The following ZNF385D variants were observed in gnomAD, a reference collection of about 807,000 sequenced individuals.
The protein encoded by ZNF385D is zinc finger protein 385D, also known as zinc finger protein 659.
In ZNF385D, 15 loss-of-function variants were observed where a neutral mutation model predicts 35.8. That is an observed-to-expected ratio of 0.42 (90% CI 0.28 to 0.64). The LOEUF (loss-of-function observed/expected upper bound fraction) is 0.64, where lower values mean the gene tolerates loss of function less well. ZNF385D is among the 30% of genes least tolerant of loss of function. The pLI, the probability that ZNF385D is intolerant of heterozygous loss-of-function variation, is 0.23. For synonymous variants in ZNF385D, 212 were observed against 186.8 expected (o/e 1.13, Z -1.10); for missense variants, 474 against 494.6 (o/e 0.96, Z 0.39).
intron 3 of ZNF385D, among the ~76,000 whole-genome samples, chr3:21,794,690 G>C (rs2072073556): frequency 6.6e-6 from 1 of 152,128 alleles, no homozygotes; most frequent in Non-Finnish European, 1.5e-5. Context: ...GGGAGGAAGA[G>C]TCATCCAGGA....
At chr3:21,750,705 G>A (rs1231915906) in intron 1 of ZNF385D, among the ~76,000 whole-genome samples, 190 bp downstream of exon 1, 3 of 151,278 alleles carry the variant, frequency 2.0e-5, no homozygotes, top group Non-Finnish European at 4.4e-5. Context: ...CTCATCCACG[G>A]CTAAATTAAC....
In ZNF385D at chr3:21,615,793, A is replaced by AGTGTGTGTGTGTGTGTGTGTGT. The variant is rs144521609; in HGVS notation, c.165+49071_165+49092dup. Among the ~76,000 whole-genome samples, 597 of 145,340 alleles carry AGTGTGTGTGTGTGTGTGTGTGT rather than the reference A, an allele frequency of 4.1e-3. 5 individuals carry two copies. Among genetic ancestry groups the AGTGTGTGTGTGTGTGTGTGTGT allele is most frequent in the South Asian group, 5.5e-3 (24 of 4,392 alleles). The stretch of plus-strand genomic sequence containing the variant: ...ATGACTGCAAAGAAAATGGAGAAAG[A>AGTGTGTGTGTGTGTGTGTGTGT]GTGTGTGTGTGTGTGTGTGTGTGTT... On this transcript the variant is annotated intron_variant, in intron 2 of 7. Transcript: ENST00000281523.
chr3:21,696,973 C>CTTT (rs1429337869), intron 1 of ZNF385D, among the ~76,000 whole-genome samples: 2 of 152,180 alleles, frequency 1.3e-5, no homozygotes, highest in Non-Finnish European at 2.9e-5. Flanking sequence ...TACAAGAATA[C>CTTT]TTTTAAAAGT....
intron 2 of ZNF385D, among the ~76,000 whole-genome samples, chr3:21,602,667 G>A (rs1178707464): frequency 1.3e-5 from 2 of 150,086 alleles, no homozygotes; most frequent in Non-Finnish European, 3.0e-5. Flanking sequence ...CGAGTAGCTG[G>A]GACTACAGGC....
intron 3 of ZNF385D, among the ~76,000 whole-genome samples, chr3:21,926,395 G>C (rs1700730548): frequency 1.3e-5 from 2 of 152,060 alleles, no homozygotes; most frequent in South Asian, 2.1e-4. Flanking sequence ...TTGGTTTTCT[G>C]TTCTTGTGTT....
intron 3 of ZNF385D, among the ~76,000 whole-genome samples, chr3:21,790,445 G>A (rs887096730): frequency 2.6e-5 from 4 of 151,790 alleles, no homozygotes; most frequent in African/African-American, 4.8e-5. Flanking sequence ...GGTGATTGCT[G>A]TTTCTTTGTA....
intron 3 of ZNF385D, among the ~76,000 whole-genome samples, chr3:21,529,443 C>T (rs1178931344): frequency 6.6e-6 from 1 of 152,096 alleles, no homozygotes; most frequent in East Asian, 1.9e-4. Flanking sequence ...CTTTTTCATC[C>T]TTCTTCATTT....
intron 2 of ZNF385D, among the ~76,000 whole-genome samples, chr3:22,198,378 A>G (rs1190651241): frequency 6.6e-6 from 1 of 152,126 alleles, no homozygotes; most frequent in African/African-American, 2.4e-5. Flanking sequence ...CAATGAGAGA[A>G]AGCTTCAAGA....
At position 22,304,134 on chromosome 3, in the gene ZNF385D, A is replaced by C. The variant is rs115448869; in HGVS notation, c.106+68316T>G. Among the ~76,000 whole-genome samples, 72 of 152,334 alleles carry C rather than the reference A, an allele frequency of 4.7e-4. 1 individual carries two copies. Among genetic ancestry groups the C allele is most frequent in the Non-Finnish European group, 9.3e-4 (63 of 68,012 alleles). ...ATAATTCTTAATAAAAATCTGGCTTAGGTCTATTGCATAGATCTTCAAGTG... is the reference window on the plus strand; with the variant it reads ...ATAATTCTTAATAAAAATCTGGCTTCGGTCTATTGCATAGATCTTCAAGTG... On this transcript the variant is annotated intron_variant, in intron 2 of 5. Coordinates refer to the ZNF385D transcript ENST00000494108.
intron 5 of ZNF385D, among the ~76,000 whole-genome samples, chr3:21,436,198 C>T (rs542261285): frequency 5.8e-4 from 88 of 151,882 alleles, no homozygotes; most frequent in Non-Finnish European, 9.4e-4. Flanking sequence ...TATATATATA[C>T]ACATACAGAG....
At chr3:21,645,777 C>T (rs2065733611) in intron 2 of ZNF385D, among the ~76,000 whole-genome samples, 1 of 152,156 alleles carries the variant, frequency 6.6e-6, no homozygotes, top group African/African-American at 2.4e-5. Flanking sequence ...AGTATGACTT[C>T]ATCCAACTAG....
rs542256019 is a variant in ZNF385D, at chr3:22,296,384, T to C, written c.106+76066A>G. On this transcript the variant is annotated intron_variant, in intron 2 of 5. Coordinates refer to the ZNF385D transcript ENST00000494108. ...ATCATAGGTTCTTGTTGTTGGCTAG[T>C]TCCTCAGTTACTGTTTCAGCTGGGT... is the stretch of plus-strand genomic sequence containing the variant. 2.7e-4 allele frequency among the ~76,000 whole-genome samples: 41 copies of C among 152,242 alleles called. No homozygotes were observed. In the South Asian group the frequency reaches 6.4e-3, roughly 24 times the overall value.
At chr3:21,561,065 A>G (rs2062927344) in intron 3 of ZNF385D, among the ~76,000 whole-genome samples, 2 of 152,138 alleles carry the variant, frequency 1.3e-5, no homozygotes, top group South Asian at 4.1e-4. Flanking sequence ...AAGCCCGTGG[A>G]TCTTAGCCTG....
At position 22,281,670 on chromosome 3, in the gene ZNF385D, T is replaced by G. The variant is rs139490591; in HGVS notation, c.106+90780A>C. Among the ~76,000 whole-genome samples the G allele has an allele frequency of 4.1e-3, 618 of 152,072 alleles. 4 individuals are homozygous for G. Among genetic ancestry groups the G allele is most frequent in the African/African-American group, 0.014 (577 of 41,532 alleles). On this transcript the variant is annotated intron_variant, in intron 2 of 5. Coordinates refer to the ZNF385D transcript ENST00000494108. Reference sequence around the variant, plus strand: ...TTTTTTTTTTGAGGACTTTTGCATCTATGTTCATCAGGAACACTGGTGTGT... The same window carrying G: ...TTTTTTTTTTGAGGACTTTTGCATCGATGTTCATCAGGAACACTGGTGTGT...
rs1161308836 is a variant in ZNF385D at position 21,785,954 on chromosome 3, T to C, written c.326-120926A>G. On this transcript the variant is annotated intron_variant, in intron 3 of 5. Coordinates refer to the ZNF385D transcript ENST00000494108. ...CTGGCAACCAAGCTTGACCTTGGTG[T>C]GAGAAAGCGAGAAACAAAAGCAGGA... Among the ~76,000 whole-genome samples the C allele has an allele frequency of 2.0e-5, 3 of 151,934 alleles. No individual in the cohort carries two copies. In the East Asian group the frequency reaches 5.8e-4, roughly 29 times the overall value.
intron 2 of ZNF385D, among the ~76,000 whole-genome samples, chr3:22,358,937 C>G (rs1696280066): frequency 6.6e-6 from 1 of 151,252 alleles, no homozygotes; most frequent in Admixed American, 6.6e-5. Context: ...ATATCATAAC[C>G]CTACAAGACA....
chr3:21,534,356 C>T (rs1438510346), intron 3 of ZNF385D, among the ~76,000 whole-genome samples: 1 of 151,978 alleles, frequency 6.6e-6, no homozygotes, highest in African/African-American at 2.4e-5. Context: ...ATTGTTCCAT[C>T]GACACTCTAA....
At chr3:22,168,040 T>C (rs924464227) in intron 3 of ZNF385D, among the ~76,000 whole-genome samples, 2 of 152,208 alleles carry the variant, frequency 1.3e-5, no homozygotes, top group African/African-American at 2.4e-5. Context: ...ATGTCAAATA[T>C]AGGAAGAGAT....
At chr3:21,611,419 A>G (rs1312756971) in intron 2 of ZNF385D, among the ~76,000 whole-genome samples, 2 of 152,158 alleles carry the variant, frequency 1.3e-5, no homozygotes, top group Non-Finnish European at 2.9e-5. Context: ...AAACAAAAAA[A>G]CCAAAAAGCC....
Sources: allele counts gnomAD v4.1 joint callset (sites outside exome capture counted in the v4.1 genomes callset), GRCh38; gene constraint gnomAD v4.1.1; transcripts MANE v1.5; gene names NCBI Gene and HGNC (gene_info 2026-07-23, HGNC 2026-07-21).